Variants in GNAI3 observed in about 807,000 individuals in gnomAD.
The protein encoded by GNAI3 is G protein subunit alpha i3.
A neutral mutation model predicts 41.8 loss-of-function variants in GNAI3; 12 were observed. The observed-to-expected ratio is 0.29, with a 90% CI of 0.18 to 0.47. GNAI3 has a LOEUF of 0.47. Among genes scored for constraint, GNAI3 ranks in the 20% least tolerant of loss-of-function variants. The pLI is 1.00. For missense variants in GNAI3, 360 were observed against 429.6 expected, an observed-to-expected ratio of 0.84 and a Z score of 1.43; for synonymous variants, 132 against 146.5, an observed-to-expected ratio of 0.90 and a Z score of 0.71.
At chr1:109,591,504 CT>C in intron 7 of GNAI3, 5 of 1,010,786 alleles carry the variant, frequency 4.9e-6, no homozygotes, top group Admixed American at 1.9e-5. Context: ...ATATTATCTC[CT>C]TTTAGCATGA....
intron 7 of GNAI3, among the ~76,000 whole-genome samples, chr1:109,590,845 G>A (rs1259078893): frequency 2.6e-5 from 4 of 152,142 alleles, no homozygotes; most frequent in African/African-American, 9.7e-5. Context: ...GATTACAGAT[G>A]TGAGCCACCG....
intron 5 of GNAI3, among the ~76,000 whole-genome samples, chr1:109,583,647 C>A (rs1363132260): frequency 1.3e-5 from 2 of 151,952 alleles, no homozygotes; most frequent in African/African-American, 4.8e-5. Flanking sequence ...GTGGTGCGAT[C>A]TCGGCTCGTT....
intron 1 of GNAI3, among the ~76,000 whole-genome samples, chr1:109,570,682 C>T (rs1051768485): frequency 3.9e-5 from 6 of 152,032 alleles, no homozygotes; most frequent in African/African-American, 1.2e-4. Context: ...CAGTAAGAAC[C>T]GGTTTGGTAT....
intron 3 of GNAI3, among the ~76,000 whole-genome samples, chr1:109,577,278 G>GT (rs10690094): frequency 0.035 from 4,434 of 125,260 alleles, 94 homozygotes; most frequent in Non-Finnish European, 0.05. Flanking sequence ...TGTTTTTTTT[G>GT]TTTTTTTTTT....
chr1:109,583,650 G>A (rs1024597598), intron 5 of GNAI3, among the ~76,000 whole-genome samples: 8 of 151,838 alleles, frequency 5.3e-5, no homozygotes, highest in Non-Finnish European at 7.4e-5. Context: ...GTGCGATCTC[G>A]GCTCGTTGCA....
At chr1:109,579,495 C>G in intron 4 of GNAI3, 134 bp downstream of exon 4, 1 of 547,618 alleles carries the variant, frequency 1.8e-6, no homozygotes, top group Non-Finnish European at 3.0e-6. Flanking sequence ...TAAAAATTGT[C>G]TAAGTTTAGG....
Position 109,582,572 on chromosome 1 carries a change from C to A in GNAI3, c.590+7C>A. On this transcript the variant is annotated splice_region_variant and intron_variant, in intron 5 of 8. Transcript: ENST00000369851. ...TCAAAGACCTATACTTCAAGTAAGT[C>A]ATTAGCCTTTTTGCTAGGTGTGCCA... 1.9e-6 allele frequency: 3 copies of A among 1,599,814 alleles called. No individual in the cohort carries two copies. The South Asian group carries it at 3.3e-5, about 18-fold the overall frequency.
At chr1:109,552,503 G>C (rs1648005332) in intron 1 of GNAI3, among the ~76,000 whole-genome samples, 1 of 151,912 alleles carries the variant, frequency 6.6e-6, no homozygotes, top group Non-Finnish European at 1.5e-5. Context: ...CAAATGCTTG[G>C]CCTCATGTGA....
chr1:109,586,810 C>T lies in GNAI3; in HGVS notation c.802C>T (p.Leu268Phe), dbSNP rs1557911980. The T allele has an allele frequency of 6.3e-7, 1 of 1,597,188 alleles. No homozygotes were observed. The highest frequency in any genetic ancestry group is 2.2e-5 in the East Asian group (1 of 44,752). ...TACAGAAACTTCAATCATTCTCTTCCTTAACAAGAAAGACCTTTTTGAGGA... is the reference window on the plus strand; with the variant it reads ...TACAGAAACTTCAATCATTCTCTTCTTTAACAAGAAAGACCTTTTTGAGGA... ...WFTETSIILFLNKKDLFEEKI... is the reference protein window; with the variant it reads ...WFTETSIILFFNKKDLFEEKI... Residue 268 changes from leucine to phenylalanine, a missense_variant, in exon 7 of 9, where the codon CTT (leucine) becomes TTT (phenylalanine). Transcript: ENST00000369851.
intron 1 of GNAI3, among the ~76,000 whole-genome samples, chr1:109,566,948 G>A (rs574190251): frequency 1.3e-5 from 2 of 152,268 alleles, no homozygotes; most frequent in Non-Finnish European, 2.9e-5. Context: ...GGAGCAGTAG[G>A]TACTCCTATT....
chr1:109,557,327 C>A (rs1648182000), intron 1 of GNAI3, among the ~76,000 whole-genome samples: 1 of 152,070 alleles, frequency 6.6e-6, no homozygotes, highest in East Asian at 1.9e-4. Flanking sequence ...TTATAGTCTG[C>A]CTTATATATG....
chr1:109,581,210 A>G (rs1197086925), intron 4 of GNAI3, among the ~76,000 whole-genome samples: 1 of 152,094 alleles, frequency 6.6e-6, no homozygotes, highest in Non-Finnish European at 1.5e-5. Context: ...GTTTTGAAGC[A>G]GTCTTTTAAT....
chr1:109,585,460 T>TTTTTTAG (rs1352658007), intron 5 of GNAI3, among the ~76,000 whole-genome samples: 6 of 152,202 alleles, frequency 3.9e-5, no homozygotes. Flanking sequence ...GTCAAGGCTG[T>TTTTTTAG]TTTTTAGTTA....
intron 1 of GNAI3, among the ~76,000 whole-genome samples, chr1:109,552,877 T>G (rs761201426): frequency 6.6e-6 from 1 of 152,188 alleles, no homozygotes; most frequent in Non-Finnish European, 1.5e-5. Context: ...TGCTTTTGGA[T>G]TCACACAAAA....
At position 109,590,203 on chromosome 1, in the gene GNAI3, G is replaced by T. The variant is rs534921734; in HGVS notation, c.875-1840G>T. On this transcript the variant is annotated intron_variant, in intron 7 of 8. Coordinates refer to ENST00000369851, the MANE Select transcript of GNAI3 (RefSeq NM_006496.4). ...AAGAACAGAGGGAGGTGAGAATAAGGTGAGTTTATAGAAAGCAACCAAGTT... is the reference window on the plus strand; with the variant it reads ...AAGAACAGAGGGAGGTGAGAATAAGTTGAGTTTATAGAAAGCAACCAAGTT... Among the ~76,000 whole-genome samples, 5 of 152,328 alleles carry T rather than the reference G, an allele frequency of 3.3e-5. No homozygotes were observed. The South Asian group carries it at 1.0e-3, about 32-fold the overall frequency.
intron 1 of GNAI3, among the ~76,000 whole-genome samples, chr1:109,572,856 T>C (rs1422467490): frequency 6.6e-6 from 1 of 152,158 alleles, no homozygotes; most frequent in Non-Finnish European, 1.5e-5. Flanking sequence ...AAAATGAAGG[T>C]GCATAAGGGG....
At chr1:109,549,322 T>G (rs1232573137) in intron 1 of GNAI3, among the ~76,000 whole-genome samples, 2 of 152,116 alleles carry the variant, frequency 1.3e-5, no homozygotes, top group East Asian at 3.9e-4. Flanking sequence ...AACAGAATGG[T>G]CACATAAGGA....
intron 1 of GNAI3, among the ~76,000 whole-genome samples, chr1:109,570,091 A>T (rs1648553231): frequency 1.3e-5 from 2 of 152,198 alleles, no homozygotes; most frequent in African/African-American, 2.4e-5. Context: ...GAGTAGAATC[A>T]TTGGATTTTT....
chr1:109,549,335 T>C (rs189176948), intron 1 of GNAI3, among the ~76,000 whole-genome samples: 44 of 152,252 alleles, frequency 2.9e-4, no homozygotes, highest in African/African-American at 9.6e-4. Flanking sequence ...CATAAGGACG[T>C]TGACATTTGT....
Sources: gnomAD v4.1 joint callset for allele counts (sites outside exome capture counted in the v4.1 genomes callset) on GRCh38, gnomAD v4.1.1 for gene constraint, MANE v1.5 for transcripts, NCBI Gene and HGNC (gene_info 2026-07-23, HGNC 2026-07-21) for gene names.